Variants in TTC28 observed in about 807,000 individuals in gnomAD.
The protein encoded by TTC28 is tetratricopeptide repeat domain 28, also known as tetratricopeptide repeat protein 28.
In TTC28, 61 loss-of-function variants were observed where a neutral mutation model predicts 198.0. The ratio of observed to expected loss-of-function variants is 0.31; its 90% CI spans 0.25 to 0.38. The LOEUF is 0.38. Ranked by LOEUF, TTC28 falls within the 10% of genes least tolerant of loss-of-function variation. The probability of loss-of-function intolerance (pLI) is 1.00; values close to 1 mark genes in which losing one functional copy is unlikely to be tolerated. For synonymous variants in TTC28, 1,171 were observed against 1,297.8 expected (o/e 0.90, Z 2.10); for missense variants, 2,678 against 3,164.0 (o/e 0.85, Z 3.69).
chr22:28,538,291 T>C (rs977803334), intron 2 of TTC28, among the ~76,000 whole-genome samples: 2 of 152,116 alleles, frequency 1.3e-5, no homozygotes, highest in Non-Finnish European at 2.9e-5. Flanking sequence ...TCTTGCTATG[T>C]TGCCCAGGCT....
chr22:28,596,352 T>A (rs2050543914), intron 2 of TTC28, among the ~76,000 whole-genome samples: 1 of 152,128 alleles, frequency 6.6e-6, no homozygotes. Flanking sequence ...AGAGACCAGA[T>A]CAGGGTTTTC....
rs1361082473 is a variant in TTC28 at position 28,490,861 on chromosome 22, G to C, written c.381+138691C>G. On this transcript the variant is annotated intron_variant, in intron 2 of 22. Coordinates refer to ENST00000397906, the MANE Select transcript of TTC28 (RefSeq NM_001145418.2). ...AATGGCTGATATTCCACAATAGATA[G>C]AAGTCAAATAAAAATTACCATTATA... Among the ~76,000 whole-genome samples, 3 of 152,044 alleles carry C rather than the reference G, an allele frequency of 2.0e-5. No individual in the cohort carries two copies. The East Asian group carries it at 5.8e-4, about 29-fold the overall frequency.
chr22:28,553,553 C>G (rs1184588898), intron 2 of TTC28, among the ~76,000 whole-genome samples: 1 of 151,836 alleles, frequency 6.6e-6, no homozygotes, highest in Non-Finnish European at 1.5e-5. Flanking sequence ...TGCCTGGCAG[C>G]CACCCCGTCT....
At chr22:28,305,550 T>G (rs964253812) in intron 3 of TTC28, among the ~76,000 whole-genome samples, 1 of 152,144 alleles carries the variant, frequency 6.6e-6, no homozygotes, top group Non-Finnish European at 1.5e-5. Flanking sequence ...CTGCGAACAT[T>G]TTCAAAACTA....
chr22:28,435,953 C>T (rs2047513004), intron 2 of TTC28, among the ~76,000 whole-genome samples: 1 of 152,142 alleles, frequency 6.6e-6, no homozygotes, highest in Admixed American at 6.6e-5. Context: ...TTCCCATCTC[C>T]TCCCCCTGTT....
At chr22:28,606,091 T>G (rs932243752) in intron 2 of TTC28, among the ~76,000 whole-genome samples, 22 of 150,806 alleles carry the variant, frequency 1.5e-4, no homozygotes, top group Non-Finnish European at 2.4e-4. Context: ...TACTTTTTTT[T>G]TTTGTTTTTT....
chr22:28,584,435 G>T (rs928312438), intron 2 of TTC28, among the ~76,000 whole-genome samples: 8 of 151,966 alleles, frequency 5.3e-5, no homozygotes, highest in African/African-American at 1.5e-4. Context: ...TGTAATTCTA[G>T]CCTGTCTCTC....
At chr22:28,640,546 T>C (rs1330720500) in intron 1 of TTC28, among the ~76,000 whole-genome samples, 1 of 146,204 alleles carries the variant, frequency 6.8e-6, no homozygotes, top group Non-Finnish European at 1.5e-5. Context: ...CACACCTACG[T>C]CTGTCATAGT....
chr22:28,453,140 C>T (rs1194711097), intron 2 of TTC28, among the ~76,000 whole-genome samples: 1 of 152,138 alleles, frequency 6.6e-6, no homozygotes, highest in African/African-American at 2.4e-5. Flanking sequence ...CCTGATTTGC[C>T]AGCCACCTTA....
intron 1 of TTC28, among the ~76,000 whole-genome samples, chr22:28,655,187 A>G (rs772025940): frequency 2.0e-5 from 3 of 152,228 alleles, no homozygotes; most frequent in Admixed American, 6.5e-5. Flanking sequence ...TTTACTGAAC[A>G]CTGAACATAA....
chr22:28,340,689 G>C (rs964849570), intron 2 of TTC28, among the ~76,000 whole-genome samples: 6 of 152,098 alleles, frequency 3.9e-5, no homozygotes, highest in Non-Finnish European at 8.8e-5. Context: ...ATTTTCTGAT[G>C]AAGTAAAATG....
intron 2 of TTC28, among the ~76,000 whole-genome samples, chr22:28,348,220 A>G (rs1489229462): frequency 6.6e-6 from 1 of 152,230 alleles, no homozygotes; most frequent in African/African-American, 2.4e-5. Flanking sequence ...GAACTCACAG[A>G]TGTGGTCTAA....
At chr22:28,435,294 G>A (rs1049078719) in intron 2 of TTC28, among the ~76,000 whole-genome samples, 6 of 152,150 alleles carry the variant, frequency 3.9e-5, no homozygotes, top group Non-Finnish European at 8.8e-5. Flanking sequence ...TACAGTTAAA[G>A]AATTCAATCA....
rs900833279 is a variant in TTC28, at chr22:28,679,772, C to T, written c.-49G>A. On this transcript the variant is annotated 5_prime_UTR_variant, in exon 1 of 23. The change abolishes the stop of an existing upstream ORF in the 5' untranslated region. Transcript: ENST00000397906. ...CGCCTCGAGCTAACGGTCCCGCCAG[C>T]TAGGCGCGCGCGCCGGTTCCGCGCG... is the stretch of plus-strand genomic sequence containing the variant. 2.9e-6 allele frequency: 3 copies of T among 1,042,226 alleles called. No homozygotes were observed. Among genetic ancestry groups the T allele is most frequent in the South Asian group, 4.9e-5 (1 of 20,576 alleles). 64.6% of individuals were successfully genotyped at this position (1,042,226 alleles called of 1,614,324 possible).
chr22:28,651,953 C>T (rs1181451402), intron 1 of TTC28, among the ~76,000 whole-genome samples: 5 of 152,162 alleles, frequency 3.3e-5, no homozygotes, highest in Non-Finnish European at 7.3e-5. Context: ...AACTCTCCTG[C>T]CTCAGCCTCC....
chr22:28,405,291 A>G (rs993242718), intron 2 of TTC28, among the ~76,000 whole-genome samples: 9 of 152,212 alleles, frequency 5.9e-5, no homozygotes, highest in Admixed American at 1.3e-4. Flanking sequence ...AAATATTAAA[A>G]TCTATGGTAA....
At chr22:28,217,232 T>C (rs1407849412) in intron 5 of TTC28, among the ~76,000 whole-genome samples, 3 of 152,116 alleles carry the variant, frequency 2.0e-5, no homozygotes, top group Admixed American at 1.3e-4. Flanking sequence ...AAAGAGCTCA[T>C]GTACCCTATC....
At chr22:28,148,749 A>G (rs1490729741) in intron 6 of TTC28, among the ~76,000 whole-genome samples, 1 of 152,208 alleles carries the variant, frequency 6.6e-6, no homozygotes, top group East Asian at 1.9e-4. Flanking sequence ...TCAAGGTATA[A>G]TATAAAATGT....
chr22:28,566,007 T>A (rs886237573), intron 2 of TTC28, among the ~76,000 whole-genome samples: 1 of 152,150 alleles, frequency 6.6e-6, no homozygotes, highest in Non-Finnish European at 1.5e-5. Context: ...AAACACTGCA[T>A]CTAGACCATC....
Sources: allele counts gnomAD v4.1 joint callset (sites outside exome capture counted in the v4.1 genomes callset), GRCh38; gene constraint gnomAD v4.1.1; transcripts MANE v1.5; gene names NCBI Gene and HGNC (gene_info 2026-07-23, HGNC 2026-07-21).